Variants in GRIN2B observed in about 807,000 individuals in gnomAD.
GRIN2B encodes the protein glutamate ionotropic receptor NMDA type subunit 2B.
Under a neutral mutation model 114.5 loss-of-function variants are expected in GRIN2B, and 5 were observed. The observed-to-expected ratio is 0.04, with a 90% CI of 0.02 to 0.09. The LOEUF (loss-of-function observed/expected upper bound fraction) is 0.09. Ranked by LOEUF, GRIN2B falls within the 10% of genes least tolerant of loss-of-function variation. The pLI is 1.00. For missense variants in GRIN2B, 1,108 were observed against 1,943.5 expected (o/e 0.57, Z 8.08); for synonymous variants, 787 against 745.1 (o/e 1.06, Z -0.92).
At chr12:13,788,416 A>G (rs1304569904) in intron 3 of GRIN2B, among the ~76,000 whole-genome samples, 1 of 152,218 alleles carries the variant, frequency 6.6e-6, no homozygotes, top group Non-Finnish European at 1.5e-5. Context: ...TCAGAGAAAA[A>G]TTATAAAAAT....
chr12:13,806,661 T>C (rs1170074297), intron 3 of GRIN2B, among the ~76,000 whole-genome samples: 1 of 152,136 alleles, frequency 6.6e-6, no homozygotes, highest in Non-Finnish European at 1.5e-5. Context: ...TCTCCGATTC[T>C]GTAGGTTTGT....
intron 2 of GRIN2B, among the ~76,000 whole-genome samples, chr12:13,973,620 C>T (rs1862968581): frequency 6.6e-6 from 1 of 152,130 alleles, no homozygotes; most frequent in South Asian, 2.1e-4. Flanking sequence ...CCCTGCTCTG[C>T]CTCTCAAGTC....
chr12:13,801,229 T>C (rs1864506994), intron 3 of GRIN2B, among the ~76,000 whole-genome samples: 1 of 152,194 alleles, frequency 6.6e-6, no homozygotes, highest in Admixed American at 6.5e-5. Flanking sequence ...ATGTGGAATG[T>C]ATTGTGCAAA....
intron 3 of GRIN2B, among the ~76,000 whole-genome samples, chr12:13,820,167 A>G (rs1431591097): frequency 6.6e-6 from 1 of 152,184 alleles, no homozygotes; most frequent in Non-Finnish European, 1.5e-5. Flanking sequence ...CTTGCTAGCT[A>G]ACTCTCAGAG....
In GRIN2B at chr12:13,559,577, T is replaced by G. The variant is rs1948514959; in HGVS notation, c.*3206A>C. ...ATACCCACCCTCCCACGTCTAAACC[T>G]AACTTCAGCAATCTTGCTAAGGGAA... is the stretch of plus-strand genomic sequence containing the variant. On this transcript the variant is annotated 3_prime_UTR_variant, in exon 14 of 14. Coordinates refer to ENST00000609686, the MANE Select transcript of GRIN2B (RefSeq NM_000834.5). 2 of 152,234 alleles carry G rather than the reference T, an allele frequency of 1.3e-5. No homozygotes were observed. The highest frequency in any genetic ancestry group is 4.1e-4 in the South Asian group (2 of 4,822). 9.4% of individuals were successfully genotyped at this position (152,234 alleles called of 1,614,324 possible).
intron 10 of GRIN2B, among the ~76,000 whole-genome samples, chr12:13,592,523 T>C (rs1465550116): frequency 6.6e-6 from 1 of 152,220 alleles, no homozygotes; most frequent in East Asian, 1.9e-4. Context: ...CACAACTGTC[T>C]TGGTAAATTC....
rs1948325809 is a variant in GRIN2B at position 13,545,012 on chromosome 12, C to CT, written c.*17770dup. Reference sequence around the variant, plus strand: ...GTAAAAGCCAAATCCTGACAGTGTCCTACAAGGCCCTACCTGACTTGCGTT... The same window carrying CT: ...GTAAAAGCCAAATCCTGACAGTGTCCTTACAAGGCCCTACCTGACTTGCGTT... On this transcript the variant is annotated 3_prime_UTR_variant, in exon 14 of 14. Transcript: ENST00000609686. 6.6e-6 allele frequency: 1 copy of CT among 152,342 alleles called. No homozygotes were observed. The allele number at this position is 152,342 out of a possible 1,614,324, so 9.4% of individuals were successfully genotyped here.
rs923696116 is a variant in GRIN2B at position 13,611,591 on chromosome 12, A to G, written c.1780+134T>C. ...TAAAGAGACGCCAAGCTGGTGACTT[A>G]GAAATGTTCACCTGAGGGTTCCTTT... On this transcript the variant is annotated intron_variant, in intron 9 of 13. Transcript: ENST00000609686. 7.8e-6 allele frequency: 7 copies of G among 900,650 alleles called. No homozygotes were observed. In the African/African-American group the frequency reaches 8.2e-5, roughly 11 times the overall value. The allele number at this position is 900,650 out of a possible 1,614,324, so 55.8% of individuals were successfully genotyped here. A position where few individuals can be genotyped will look rare whatever the true frequency, so the allele number is the denominator to read the frequency against.
chr12:13,857,613 C>T (rs567344771), intron 3 of GRIN2B, among the ~76,000 whole-genome samples: 15 of 152,322 alleles, frequency 9.8e-5, no homozygotes, highest in African/African-American at 3.4e-4. Flanking sequence ...GGGAAATGCA[C>T]CATGTTTGGG....
intron 2 of GRIN2B, among the ~76,000 whole-genome samples, chr12:13,889,377 T>C (rs1482950372): frequency 4.6e-5 from 7 of 152,186 alleles, no homozygotes; most frequent in African/African-American, 1.7e-4. Flanking sequence ...CTGATTAAGC[T>C]TGAGATAGGA....
intron 2 of GRIN2B, among the ~76,000 whole-genome samples, chr12:13,890,342 T>G (rs999725192): frequency 6.6e-6 from 1 of 152,198 alleles, no homozygotes; most frequent in Non-Finnish European, 1.5e-5. Flanking sequence ...ACATCAGGGA[T>G]TCCTCAAATC....
At chr12:13,968,385 G>A (rs945907108) in intron 2 of GRIN2B, among the ~76,000 whole-genome samples, 1 of 152,144 alleles carries the variant, frequency 6.6e-6, no homozygotes, top group African/African-American at 2.4e-5. Flanking sequence ...CATCTTTACA[G>A]GGGTCAACAC....
intron 9 of GRIN2B, chr12:13,609,892 A>G (rs1949343986): frequency 6.6e-6 from 1 of 152,110 alleles, no homozygotes; most frequent in Non-Finnish European, 1.5e-5. Context: ...CCCCCACCTA[A>G]CCTTTGCATA....
chr12:13,955,263 G>A (rs1400483175), intron 2 of GRIN2B, among the ~76,000 whole-genome samples: 1 of 152,160 alleles, frequency 6.6e-6, no homozygotes, highest in Admixed American at 6.5e-5. Context: ...TTCCTTGTTA[G>A]CAGAGAGATT....
chr12:13,806,869 T>C (rs536985753), intron 3 of GRIN2B, among the ~76,000 whole-genome samples: 1 of 152,270 alleles, frequency 6.6e-6, no homozygotes, highest in African/African-American at 2.4e-5. Flanking sequence ...TATGTTTAAG[T>C]CTTTAATCCA....
At chr12:13,953,643 T>C (rs1322376927) in intron 2 of GRIN2B, among the ~76,000 whole-genome samples, 1 of 152,158 alleles carries the variant, frequency 6.6e-6, no homozygotes, top group Non-Finnish European at 1.5e-5. Flanking sequence ...CCCCTTTCTC[T>C]CTGCTTTGGT....
intron 10 of GRIN2B, among the ~76,000 whole-genome samples, chr12:13,592,103 G>A (rs1252296171): frequency 6.6e-6 from 1 of 152,210 alleles, no homozygotes; most frequent in Non-Finnish European, 1.5e-5. Context: ...TGAAGGAAAT[G>A]AGCACTTGCT....
At chr12:13,713,396 C>T (rs1050089343) in intron 4 of GRIN2B, among the ~76,000 whole-genome samples, 3 of 151,800 alleles carry the variant, frequency 2.0e-5, no homozygotes, top group Non-Finnish European at 2.9e-5. Flanking sequence ...TCAAGAGGTC[C>T]CCATCTTACG....
rs571145860 is a variant in GRIN2B, at chr12:13,538,890, G to A, written c.*23893C>T. 2 of 150,824 alleles carry A rather than the reference G, an allele frequency of 1.3e-5. No homozygotes were observed. Among genetic ancestry groups the A allele is most frequent in the African/African-American group, 4.8e-5 (2 of 41,256 alleles). 9.3% of individuals were successfully genotyped at this position (150,824 alleles called of 1,614,324 possible). On this transcript the variant is annotated 3_prime_UTR_variant, in exon 14 of 14. Transcript: ENST00000609686. ...AATCAGAGCCAAGATTTCAAGTCTT[G>A]TCTTCCCCCTTTTTTTTTTAAACAA...
Sources: gnomAD v4.1 joint callset for allele counts (sites outside exome capture counted in the v4.1 genomes callset) on GRCh38, gnomAD v4.1.1 for gene constraint, MANE v1.5 for transcripts, NCBI Gene and HGNC (gene_info 2026-07-23, HGNC 2026-07-21) for gene names.